Variants in SMARCC1 observed in about 807,000 individuals in gnomAD.
SMARCC1 encodes the protein SWI/SNF related BAF chromatin remodeling complex subunit C1, also known as SWI/SNF complex subunit SMARCC1.
A neutral mutation model predicts 147.4 loss-of-function variants in SMARCC1; 43 were observed. The observed-to-expected ratio is 0.29, with a 90% CI of 0.23 to 0.38. The LOEUF (loss-of-function observed/expected upper bound fraction) is 0.38. Among genes scored for constraint, SMARCC1 ranks in the 10% least tolerant of loss-of-function variants. SMARCC1 has a pLI of 1.00. For synonymous variants in SMARCC1, 495 were observed against 484.4 expected (o/e 1.02, Z -0.29); for missense variants, 1,119 against 1,381.1 (o/e 0.81, Z 3.01).
chr3:47,750,881 T>C (rs1363595605), intron 2 of SMARCC1, among the ~76,000 whole-genome samples: 2 of 147,374 alleles, frequency 1.4e-5, no homozygotes, highest in Non-Finnish European at 3.0e-5. Context: ...TTACCAAATA[T>C]AGGCTTAAGA....
chr3:47,665,026 T>TGG (rs1345936926), intron 19 of SMARCC1, among the ~76,000 whole-genome samples: 1 of 152,182 alleles, frequency 6.6e-6, no homozygotes, highest in Non-Finnish European at 1.5e-5. Flanking sequence ...AGAGACATGT[T>TGG]CTCACTGTAT....
chr3:47,663,055 G>T (rs191761508), intron 19 of SMARCC1, among the ~76,000 whole-genome samples: 2 of 143,702 alleles, frequency 1.4e-5, no homozygotes, highest in East Asian at 4.2e-4. Context: ...CAGCCTAGGC[G>T]GCAAGAGTGA....
At chr3:47,663,782 G>A in intron 19 of SMARCC1, 1 of 1,577,282 alleles carries the variant, frequency 6.3e-7, no homozygotes. Flanking sequence ...CCTGGCCACG[G>A]CGGCCGCCCT....
chr3:47,771,305 T>C (rs1038216129), intron 2 of SMARCC1, among the ~76,000 whole-genome samples: 4 of 152,188 alleles, frequency 2.6e-5, no homozygotes, highest in Non-Finnish European at 5.9e-5. Context: ...CTACTGATCA[T>C]AGATTCATAC....
chr3:47,667,638 G>T (rs2033438898), intron 19 of SMARCC1, among the ~76,000 whole-genome samples: 1 of 152,156 alleles, frequency 6.6e-6, no homozygotes, highest in African/African-American at 2.4e-5. Flanking sequence ...CAGCACTCTG[G>T]GAGGTTGAGG....
chr3:47,633,779 T>TAC (rs149363143), intron 24 of SMARCC1, among the ~76,000 whole-genome samples: 458 of 28,792 alleles, frequency 0.016, 29 homozygotes, highest in African/African-American at 0.027. Context: ...TATATATATA[T>TAC]ACACACACAC....
At chr3:47,676,400 C>T (rs2033574376) in intron 17 of SMARCC1, among the ~76,000 whole-genome samples, 1 of 152,040 alleles carries the variant, frequency 6.6e-6, no homozygotes, top group South Asian at 2.1e-4. Flanking sequence ...AATAATTTGA[C>T]AGAGTAAGGC....
chr3:47,691,633 C>A (rs1195756850), intron 12 of SMARCC1, among the ~76,000 whole-genome samples: 1 of 151,986 alleles, frequency 6.6e-6, no homozygotes, highest in East Asian at 1.9e-4. Flanking sequence ...AAACAAAATA[C>A]AACAGCTCTG....
chr3:47,654,094 G>A (rs1039244114), intron 21 of SMARCC1, among the ~76,000 whole-genome samples: 3 of 152,106 alleles, frequency 2.0e-5, no homozygotes, highest in African/African-American at 7.2e-5. Flanking sequence ...CTATGGTATC[G>A]TCTACCAAAA....
intron 26 of SMARCC1, among the ~76,000 whole-genome samples, chr3:47,607,220 C>T (rs2032490035): frequency 6.6e-6 from 1 of 152,142 alleles, no homozygotes; most frequent in African/African-American, 2.4e-5. Flanking sequence ...GCTATCTCCA[C>T]AAATGTCATT....
At chr3:47,650,723 G>A (rs1276254897) in intron 21 of SMARCC1, among the ~76,000 whole-genome samples, 1 of 152,048 alleles carries the variant, frequency 6.6e-6, no homozygotes, top group African/African-American at 2.4e-5. Flanking sequence ...GCAGAAGTGG[G>A]AGGATCACTT....
intron 1 of SMARCC1, among the ~76,000 whole-genome samples, chr3:47,774,052 C>A (rs549566156): frequency 6.6e-6 from 1 of 152,044 alleles, no homozygotes; most frequent in East Asian, 1.9e-4. Flanking sequence ...TTCGAACTAC[C>A]ATCCAACATT....
At chr3:47,771,279 TC>T (rs1378258876) in intron 2 of SMARCC1, among the ~76,000 whole-genome samples, 2 of 151,850 alleles carry the variant, frequency 1.3e-5, no homozygotes. Flanking sequence ...TCAAGAACAG[TC>T]CCCACAAAAA....
rs1198171917 is a variant in SMARCC1 at position 47,772,810 on chromosome 3, T to C, written c.315+7A>G. The C allele has an allele frequency of 1.2e-6, 2 of 1,609,634 alleles. No individual in the cohort carries two copies. The highest frequency in any genetic ancestry group is 1.3e-5 in the African/African-American group (1 of 74,892). Reference sequence around the variant, plus strand: ...ATGCCCAAATAACAGTAAGCTGATGTACTTACAGGGAGTTTGGTGAAGGCC... The same window carrying C: ...ATGCCCAAATAACAGTAAGCTGATGCACTTACAGGGAGTTTGGTGAAGGCC... On this transcript the variant is annotated splice_region_variant and intron_variant, in intron 2 of 27. Coordinates refer to ENST00000254480, the MANE Select transcript of SMARCC1 (RefSeq NM_003074.4).
chr3:47,659,138 A>AT (rs2033303135), intron 21 of SMARCC1, among the ~76,000 whole-genome samples: 2 of 143,850 alleles, frequency 1.4e-5, no homozygotes, highest in Non-Finnish European at 1.5e-5. Flanking sequence ...AAAAAAAATG[A>AT]GAGAGAGAGA....
intron 19 of SMARCC1, 87 bp downstream of exon 19, chr3:47,670,571 G>A (rs1400362830): frequency 4.5e-5 from 40 of 890,218 alleles, no homozygotes; most frequent in South Asian, 2.0e-4. Context: ...GTGACACAGC[G>A]AGACCCTGCC....
At chr3:47,715,349 C>T (rs983820315) in intron 7 of SMARCC1, among the ~76,000 whole-genome samples, 4 of 152,202 alleles carry the variant, frequency 2.6e-5, no homozygotes, top group African/African-American at 9.6e-5. Flanking sequence ...GCGATGTACT[C>T]TAGCCAATCA....
rs375076788 is a variant in SMARCC1 at position 47,767,189 on chromosome 3, G to GAA, written c.315+5626_315+5627dup. Among the ~76,000 whole-genome samples the GAA allele has an allele frequency of 6.3e-3, 506 of 80,128 alleles. 7 individuals carry two copies. Among genetic ancestry groups the GAA allele is most frequent in the African/African-American group, 8.4e-3 (162 of 19,336 alleles). 52.6% of individuals were successfully genotyped at this position (80,128 alleles called of 152,430 possible). A position where few individuals can be genotyped will look rare whatever the true frequency, so the allele number is the denominator to read the frequency against. On this transcript the variant is annotated intron_variant, in intron 2 of 27. Coordinates refer to ENST00000254480, the MANE Select transcript of SMARCC1 (RefSeq NM_003074.4). ...CAGAGCATGATTCTGTCTCCAAAAA[G>GAA]AAAAAAAAAAAAAAAAAAAAAGGTT...
intron 2 of SMARCC1, among the ~76,000 whole-genome samples, chr3:47,771,898 A>G (rs1376494635): frequency 6.6e-6 from 1 of 151,918 alleles, no homozygotes; most frequent in Non-Finnish European, 1.5e-5. Context: ...CCTGGCCAAC[A>G]TGGTGAAACC....
Sources: allele counts gnomAD v4.1 joint callset (sites outside exome capture counted in the v4.1 genomes callset), GRCh38; gene constraint gnomAD v4.1.1; transcripts MANE v1.5; gene names NCBI Gene and HGNC (gene_info 2026-07-23, HGNC 2026-07-21).